Variants in LARGE1 observed in about 807,000 individuals in gnomAD.
LARGE1 encodes the protein xylosyl- and glucuronyltransferase LARGE1.
Under a neutral mutation model 87.6 loss-of-function variants are expected in LARGE1, and 43 were observed. That is an observed-to-expected ratio of 0.49 (90% CI 0.38 to 0.63). The LOEUF is 0.63. Ranked by LOEUF, LARGE1 falls within the 30% of genes least tolerant of loss-of-function variation. LARGE1 has a pLI of 0.00. For synonymous variants in LARGE1, 434 were observed against 394.6 expected (o/e 1.10, Z -1.18); for missense variants, 802 against 1,000.2 (o/e 0.80, Z 2.67).
intron 11 of LARGE1, among the ~76,000 whole-genome samples, chr22:33,206,055 C>A (rs970255727): frequency 6.7e-6 from 1 of 150,282 alleles, no homozygotes; most frequent in East Asian, 1.9e-4. Context: ...CCCCGGTTCA[C>A]GCCATTCTCC....
intron 6 of LARGE1, among the ~76,000 whole-genome samples, chr22:33,456,974 G>T (rs114308149): frequency 6.6e-6 from 1 of 152,140 alleles, no homozygotes; most frequent in Non-Finnish European, 1.5e-5. Context: ...TGGAAACTTC[G>T]CAGAGAAGGG....
chr22:33,276,441 G>C (rs1380162146), intron 14 of LARGE1, among the ~76,000 whole-genome samples: 1 of 152,222 alleles, frequency 6.6e-6, no homozygotes, highest in African/African-American at 2.4e-5. Context: ...AAGGAGACCT[G>C]TAGGTCCCAT....
At chr22:33,672,318 C>T (rs552853272) in intron 2 of LARGE1, among the ~76,000 whole-genome samples, 14 of 152,292 alleles carry the variant, frequency 9.2e-5, no homozygotes, top group African/African-American at 3.4e-4. Context: ...AAAAGCTATC[C>T]CATCTATTAA....
At chr22:33,330,684 G>T (rs1292260818) in intron 10 of LARGE1, among the ~76,000 whole-genome samples, 1 of 152,184 alleles carries the variant, frequency 6.6e-6, no homozygotes, top group African/African-American at 2.4e-5. Context: ...AAGTGGCTGT[G>T]ACCAATTAGC....
chr22:33,316,105 G>A lies in LARGE1; in HGVS notation c.1431C>T (p.Val477=), dbSNP rs987466965. The change falls in exon 11 of 15, where the codon GTC becomes GTT. Residue 477 remains valine, a synonymous_variant. Coordinates refer to ENST00000397394, the MANE Select transcript of LARGE1 (RefSeq NM_133642.5). The part of the protein sequence containing the change: ...PAADSTDVTL[V]AQLSMDRLQM... ...CATACCTGTCCATGGACAGCTGAGC[G>A]ACCAGGGTGACGTCCGTGCTGTCTG... is the stretch of plus-strand genomic sequence containing the variant. The A allele has an allele frequency of 4.3e-6, 7 of 1,613,902 alleles. No homozygotes were observed. The highest frequency in any genetic ancestry group is 1.1e-5 in the South Asian group (1 of 91,016).
At position 33,283,329 on chromosome 22, in the gene LARGE1, C is replaced by A. The variant is rs771499820; in HGVS notation, c.1750G>T (p.Asp584Tyr). 13 of 1,614,116 alleles carry A rather than the reference C, an allele frequency of 8.1e-6. No individual in the cohort carries two copies. The East Asian group carries it at 2.5e-4, about 30-fold the overall frequency. Residue 584 changes from aspartate to tyrosine, a missense_variant, in exon 13 of 15, where the codon GAT becomes TAT. By Grantham distance (160) the Asp-to-Tyr change is radical. Coordinates refer to ENST00000397394, the MANE Select transcript of LARGE1 (RefSeq NM_133642.5). ...EYLRKSVIQL[D>Y]LANTKKAMIV... ...ATTGCTTTCTTGGTGTTGGCAAGAT[C>A]GAGCTGGATGACAGACTTCCTGAAA...
intron 1 of LARGE1, among the ~76,000 whole-genome samples, chr22:33,767,418 CATATATATGCATGTATATATATGT>C (rs2084940551): frequency 6.7e-6 from 1 of 149,024 alleles, no homozygotes; most frequent in Non-Finnish European, 1.5e-5. Context: ...AATATATATG[CATATATATGCATGTATATATATGT>C]ATATATATAA....
chr22:33,214,103 C>T (rs2146239409), intron 11 of LARGE1, among the ~76,000 whole-genome samples: 1 of 152,326 alleles, frequency 6.6e-6, no homozygotes, highest in East Asian at 1.9e-4. Flanking sequence ...GGAATGGAAT[C>T]TCCAATGTCT....
intron 5 of LARGE1, among the ~76,000 whole-genome samples, chr22:33,565,914 A>C (rs1296766021): frequency 6.6e-6 from 1 of 152,222 alleles, no homozygotes; most frequent in Non-Finnish European, 1.5e-5. Context: ...ATCTATGCAC[A>C]GTCATTTATG....
At chr22:33,853,680 T>A (rs1219022880) in intron 1 of LARGE1, among the ~76,000 whole-genome samples, 2 of 152,198 alleles carry the variant, frequency 1.3e-5, no homozygotes, top group East Asian at 3.9e-4. Flanking sequence ...ATAGCAAGGA[T>A]ACAAAAAAGT....
intron 2 of LARGE1, among the ~76,000 whole-genome samples, chr22:33,747,387 C>A (rs1231552997): frequency 2.6e-5 from 4 of 152,182 alleles, no homozygotes; most frequent in African/African-American, 9.6e-5. Context: ...CACCCAGACT[C>A]CTCCTTGGCA....
At position 33,524,068 on chromosome 22, in the gene LARGE1, G is replaced by A. The variant is rs938354724; in HGVS notation, c.787+40780C>T. Reference sequence around the variant, plus strand: ...AGCACTTTAGAATGCTGAGGCGGGCGGATCATGAGGTCAGGAGTTCAAGAT... The same window carrying A: ...AGCACTTTAGAATGCTGAGGCGGGCAGATCATGAGGTCAGGAGTTCAAGAT... On this transcript the variant is annotated intron_variant, in intron 6 of 14. Transcript: ENST00000397394. Among the ~76,000 whole-genome samples, 8 of 152,064 alleles carry A rather than the reference G, an allele frequency of 5.3e-5. No individual in the cohort carries two copies. The East Asian group carries it at 9.7e-4, about 18-fold the overall frequency.
intron 2 of LARGE1, among the ~76,000 whole-genome samples, chr22:33,662,762 T>A (rs117248202): frequency 0.011 from 1,675 of 152,304 alleles, 15 homozygotes; most frequent in Admixed American, 0.019. Context: ...CAAGTACTTT[T>A]GTGAATGTCA....
At chr22:33,636,948 T>C (rs1423370750) in intron 3 of LARGE1, among the ~76,000 whole-genome samples, 4 of 152,230 alleles carry the variant, frequency 2.6e-5, no homozygotes, top group Non-Finnish European at 4.4e-5. Context: ...ATAACAATTA[T>C]AGTTTATTCT....
chr22:33,590,652 G>A (rs1391525232), intron 5 of LARGE1, among the ~76,000 whole-genome samples: 1 of 152,138 alleles, frequency 6.6e-6, no homozygotes, highest in Non-Finnish European at 1.5e-5. Context: ...CAGTCTTTCG[G>A]TCTGGCTTTC....
At chr22:33,131,668 G>A in the LARGE1 span, among the ~76,000 whole-genome samples, 20 of 152,110 alleles carry the variant, frequency 1.3e-4, 1 homozygote, top group Non-Finnish European at 2.2e-4. Context: ...TCACTATCAC[G>A]AGAAAAGTAT....
chr22:33,112,471 T>C, the LARGE1 span, among the ~76,000 whole-genome samples: 1 of 152,240 alleles, frequency 6.6e-6, no homozygotes, highest in Non-Finnish European at 1.5e-5. Flanking sequence ...AAGCGACTAT[T>C]ACCATTGTTA....
At chr22:33,517,046 C>A (rs536938811) in intron 6 of LARGE1, among the ~76,000 whole-genome samples, 1 of 152,208 alleles carries the variant, frequency 6.6e-6, no homozygotes, top group African/African-American at 2.4e-5. Context: ...AAAAAAGGGA[C>A]GAGGAGTGTG....
At chr22:33,257,171 C>T (rs868620060) in intron 11 of LARGE1, among the ~76,000 whole-genome samples, 1 of 152,240 alleles carries the variant, frequency 6.6e-6, no homozygotes, top group Middle Eastern at 3.4e-3. Context: ...CACCATTGCA[C>T]TCCAGCCTGG....
Sources: allele counts gnomAD v4.1 joint callset (sites outside exome capture counted in the v4.1 genomes callset), GRCh38; gene constraint gnomAD v4.1.1; transcripts MANE v1.5; gene names NCBI Gene and HGNC (gene_info 2026-07-23, HGNC 2026-07-21).